Variants in XIRP2 observed in about 807,000 individuals in gnomAD.
XIRP2 encodes xin actin binding repeat containing 2, also known as xin actin-binding repeat-containing protein 2.
A neutral mutation model predicts 277.0 loss-of-function variants in XIRP2; 236 were observed. The ratio of observed to expected loss-of-function variants is 0.85; its 90% confidence interval spans 0.77 to 0.95. The LOEUF (loss-of-function observed/expected upper bound fraction) is 0.95. XIRP2 is among the 40% of genes least tolerant of loss of function. The probability of loss-of-function intolerance (pLI) is 0.00; values close to 1 mark genes in which losing one functional copy is unlikely to be tolerated. For missense variants in XIRP2, 4,640 were observed against 4,157.5 expected, an observed-to-expected ratio of 1.12 and a Z score of -3.19; for synonymous variants, 1,490 against 1,416.5, an observed-to-expected ratio of 1.05 and a Z score of -1.17.
chr2:167,180,606 T>C (rs1226676492), intron 3 of XIRP2, among the ~76,000 whole-genome samples: 1 of 152,226 alleles, frequency 6.6e-6, no homozygotes, highest in Non-Finnish European at 1.5e-5. Context: ...TAGAAGCTTC[T>C]CTCCCTGAAT....
rs12615590 is a variant in XIRP2, at chr2:167,011,162, G to C, written c.408+107272G>C. ...CCTGTCTTGTGCCAGTTTTCAAAGG[G>C]AATGCTTCCAGTTTTTGCCCATTCA... On this transcript the variant is annotated intron_variant, in intron 2 of 10. Transcript: ENST00000409195. 6.1e-3 allele frequency among the ~76,000 whole-genome samples: 908 copies of C among 149,984 alleles called. 73 individuals carry two copies. In the East Asian group the frequency reaches 0.16, roughly 26 times the overall value.
At chr2:167,200,099 T>A (rs771724610) in intron 3 of XIRP2, among the ~76,000 whole-genome samples, 7 of 152,232 alleles carry the variant, frequency 4.6e-5, no homozygotes, top group African/African-American at 7.2e-5. Flanking sequence ...AGGAGATGCG[T>A]ATTCAAACTA....
At chr2:167,187,409 A>T (rs1344388902) in intron 3 of XIRP2, 1 of 985,176 alleles carries the variant, frequency 1.0e-6, no homozygotes. Context: ...CACTGCACCC[A>T]TTGCTTTCAG....
chr2:167,171,977 A>G (rs917148044), intron 3 of XIRP2, among the ~76,000 whole-genome samples: 1 of 152,168 alleles, frequency 6.6e-6, no homozygotes, highest in Non-Finnish European at 1.5e-5. Flanking sequence ...GGTACATGAA[A>G]TATTTTGGTA....
chr2:167,004,677 A>G (rs1176030073), intron 2 of XIRP2, among the ~76,000 whole-genome samples: 2 of 151,910 alleles, frequency 1.3e-5, no homozygotes, highest in Admixed American at 6.6e-5. Flanking sequence ...GCAGAAACAG[A>G]ATTCAGGTCA....
intron 2 of XIRP2, among the ~76,000 whole-genome samples, chr2:167,013,604 G>A (rs1428640971): frequency 6.6e-6 from 1 of 151,412 alleles, no homozygotes; most frequent in Non-Finnish European, 1.5e-5. Flanking sequence ...ATATATATAT[G>A]TGAAATATAA....
At chr2:167,168,084 G>A (rs1692578152) in intron 3 of XIRP2, among the ~76,000 whole-genome samples, 1 of 152,148 alleles carries the variant, frequency 6.6e-6, no homozygotes, top group African/African-American at 2.4e-5. Context: ...CTGATGACAA[G>A]TCAAATATAA....
At chr2:167,231,936 C>T (rs1197015213) in intron 5 of XIRP2, among the ~76,000 whole-genome samples, 1 of 152,018 alleles carries the variant, frequency 6.6e-6, no homozygotes, top group Non-Finnish European at 1.5e-5. Flanking sequence ...CCAGATGTCT[C>T]TGCAACTATA....
intron 2 of XIRP2, among the ~76,000 whole-genome samples, chr2:167,030,391 C>G (rs543349156): frequency 3.9e-5 from 6 of 151,996 alleles, no homozygotes; most frequent in African/African-American, 1.4e-4. Flanking sequence ...TTATCTGGGC[C>G]GTAGATATTC....
At chr2:166,987,822 G>T (rs1458487167) in intron 2 of XIRP2, among the ~76,000 whole-genome samples, 1 of 152,110 alleles carries the variant, frequency 6.6e-6, no homozygotes, top group African/African-American at 2.4e-5. Context: ...AACAAATTAA[G>T]TAACAATAGT....
chr2:167,231,671 A>G (rs73972216), intron 5 of XIRP2, among the ~76,000 whole-genome samples: 23,003 of 151,676 alleles, frequency 0.15, 2,169 homozygotes, highest in African/African-American at 0.27. Context: ...TCACTCTCCT[A>G]GCTTTCCTAA....
intron 3 of XIRP2, among the ~76,000 whole-genome samples, chr2:167,161,584 T>G (rs979597038): frequency 2.0e-5 from 3 of 151,918 alleles, no homozygotes; most frequent in African/African-American, 7.3e-5. Flanking sequence ...ACAGCTGGAG[T>G]AGCTGGGACA....
intron 3 of XIRP2, among the ~76,000 whole-genome samples, chr2:167,157,390 A>G (rs1311752281): frequency 6.6e-6 from 1 of 152,154 alleles, no homozygotes; most frequent in Non-Finnish European, 1.5e-5. Flanking sequence ...ATTTGATCCT[A>G]GTATGTTCTA....
chr2:167,002,506 A>G (rs531256539), intron 2 of XIRP2, among the ~76,000 whole-genome samples: 1 of 152,062 alleles, frequency 6.6e-6, no homozygotes, highest in East Asian at 1.9e-4. Flanking sequence ...AAAAGTTGAA[A>G]GGTTGGTAAT....
chr2:166,963,477 T>C (rs1342894431), intron 2 of XIRP2, among the ~76,000 whole-genome samples: 2 of 151,834 alleles, frequency 1.3e-5, no homozygotes, highest in African/African-American at 2.4e-5. Context: ...AGGCAATAAA[T>C]GAAAGTGTAA....
intron 2 of XIRP2, among the ~76,000 whole-genome samples, chr2:167,051,642 T>A (rs1688917726): frequency 6.6e-6 from 1 of 152,128 alleles, no homozygotes; most frequent in Admixed American, 6.6e-5. Context: ...AATGTTAACA[T>A]GTAGATAAAT....
chr2:167,252,034 G>A (rs1695526816), intron 9 of XIRP2, 87 bp downstream of exon 9: 2 of 1,485,096 alleles, frequency 1.3e-6, no homozygotes, highest in Middle Eastern at 1.8e-4. Context: ...TAAAAAGAGT[G>A]CGTGGAAACA....
At chr2:167,186,856 CTAGAG>C (rs1693170700) in intron 3 of XIRP2, among the ~76,000 whole-genome samples, 1 of 150,630 alleles carries the variant, frequency 6.6e-6, no homozygotes, top group African/African-American at 2.4e-5. Context: ...TAAGCCAACA[CTAGAG>C]TAGTGTTTTG....
chr2:167,214,687 C>T (rs1178632528), intron 4 of XIRP2, among the ~76,000 whole-genome samples: 28 of 151,944 alleles, frequency 1.8e-4, no homozygotes, highest in Non-Finnish European at 5.9e-5. Flanking sequence ...CTGCCTCAGC[C>T]TCCCAAATAG....
Sources: gnomAD v4.1 joint callset for allele counts (sites outside exome capture counted in the v4.1 genomes callset) on GRCh38, gnomAD v4.1.1 for gene constraint, MANE v1.5 for transcripts, NCBI Gene and HGNC (gene_info 2026-07-23, HGNC 2026-07-21) for gene names.